The following PTPRK variants were observed in gnomAD, a reference collection of about 807,000 sequenced individuals.
PTPRK encodes protein tyrosine phosphatase receptor type K.
In PTPRK, 75 loss-of-function variants were observed where a neutral mutation model predicts 178.0. That is an observed-to-expected ratio of 0.42 (90% CI 0.35 to 0.51). The LOEUF (loss-of-function observed/expected upper bound fraction) is 0.51, where lower values mean the gene tolerates loss of function less well. Among genes scored for constraint, PTPRK ranks in the 20% least tolerant of loss-of-function variants. The probability of loss-of-function intolerance (pLI) is 0.02; values close to 1 mark genes in which losing one functional copy is unlikely to be tolerated. For synonymous variants in PTPRK, 637 were observed against 620.6 expected (o/e 1.03, Z -0.39); for missense variants, 1,441 against 1,797.8 (o/e 0.80, Z 3.59).
chr6:128,048,489 C>T (rs1778455658), intron 13 of PTPRK, among the ~76,000 whole-genome samples: 1 of 152,188 alleles, frequency 6.6e-6, no homozygotes, highest in Non-Finnish European at 1.5e-5. Context: ...CTTCAGGTTT[C>T]TGCTGAAACA....
At chr6:128,468,351 T>A (rs948490380) in intron 1 of PTPRK, among the ~76,000 whole-genome samples, 7 of 152,270 alleles carry the variant, frequency 4.6e-5, no homozygotes, top group African/African-American at 1.7e-4. Context: ...TCTGGCAGCA[T>A]CACACAAATC....
chr6:127,980,598 G>A (rs1252731350), intron 25 of PTPRK, among the ~76,000 whole-genome samples: 1 of 152,032 alleles, frequency 6.6e-6, no homozygotes, highest in African/African-American at 2.4e-5. Context: ...GGGCAAGATT[G>A]TTCTTTCATT....
At chr6:128,296,736 G>T (rs1242736788) in intron 3 of PTPRK, among the ~76,000 whole-genome samples, 1 of 152,132 alleles carries the variant, frequency 6.6e-6, no homozygotes, top group South Asian at 2.1e-4. Flanking sequence ...CCTAAACATG[G>T]AAAGGAACAA....
chr6:128,382,151 CAAAAAAAAAAAA>C (rs56321095), intron 2 of PTPRK, among the ~76,000 whole-genome samples: 2 of 75,662 alleles, frequency 2.6e-5, no homozygotes, highest in Non-Finnish European at 5.5e-5. Context: ...TACCCTATCT[CAAAAAAAAAAAA>C]AAAAAAAAAG....
At chr6:128,242,418 A>G in intron 4 of PTPRK, 103 bp downstream of exon 4, 1 of 1,455,332 alleles carries the variant, frequency 6.9e-7, no homozygotes, top group Non-Finnish European at 9.1e-7. Context: ...AACAATAACA[A>G]GAGAGACAGC....
chr6:128,117,715 T>C (rs1562615340), intron 7 of PTPRK, among the ~76,000 whole-genome samples: 1 of 152,150 alleles, frequency 6.6e-6, no homozygotes, highest in Non-Finnish European at 1.5e-5. Flanking sequence ...TACAGTGGCA[T>C]GATCTCAGCT....
intron 7 of PTPRK, among the ~76,000 whole-genome samples, chr6:128,170,435 C>T (rs954299067): frequency 6.6e-6 from 1 of 152,002 alleles, no homozygotes; most frequent in Non-Finnish European, 1.5e-5. Flanking sequence ...ATGGGTAATT[C>T]CTTTATAATC....
chr6:128,441,981 T>C (rs1011469916), intron 1 of PTPRK, among the ~76,000 whole-genome samples: 1 of 152,192 alleles, frequency 6.6e-6, no homozygotes, highest in African/African-American at 2.4e-5. Flanking sequence ...CAGAGATCTC[T>C]GACTTCCAAA....
At chr6:128,380,731 T>A (rs892085606) in intron 2 of PTPRK, among the ~76,000 whole-genome samples, 2 of 152,142 alleles carry the variant, frequency 1.3e-5, no homozygotes, top group African/African-American at 4.8e-5. Context: ...AGAGAATTTA[T>A]CCTTCTCTCA....
At chr6:128,340,262 C>T (rs1831487878) in intron 2 of PTPRK, among the ~76,000 whole-genome samples, 1 of 152,152 alleles carries the variant, frequency 6.6e-6, no homozygotes, top group African/African-American at 2.4e-5. Flanking sequence ...TTCACTGGTT[C>T]AAACTCTCAG....
intron 15 of PTPRK, chr6:128,000,212 T>A: frequency 9.1e-7 from 1 of 1,098,316 alleles, no homozygotes; most frequent in South Asian, 2.0e-5. Context: ...GAGAATGATA[T>A]TTAATTAACA....
intron 3 of PTPRK, among the ~76,000 whole-genome samples, chr6:128,299,768 C>A (rs914975880): frequency 2.0e-5 from 3 of 152,026 alleles, no homozygotes; most frequent in African/African-American, 4.8e-5. Flanking sequence ...CCATAAAAAC[C>A]CCAGAAGAAA....
At position 127,976,795 on chromosome 6, in the gene PTPRK, C is replaced by G. The variant is rs539450437; in HGVS notation, c.3844-13G>C. The G allele has an allele frequency of 6.9e-6, 11 of 1,593,250 alleles. No individual in the cohort carries two copies. The South Asian group carries it at 1.1e-4, about 16-fold the overall frequency. Reference sequence around the variant, plus strand: ...ACTGAGGGCAGCCCTAAATGATGAACGTTTTGAAAGAAAAAAAAAAAGAGT... The same window carrying G: ...ACTGAGGGCAGCCCTAAATGATGAAGGTTTTGAAAGAAAAAAAAAAAGAGT... On this transcript the variant is annotated splice_polypyrimidine_tract_variant and intron_variant, in intron 26 of 29. Transcript: ENST00000368226.
At chr6:127,999,361 C>A (rs1777531477) in intron 15 of PTPRK, among the ~76,000 whole-genome samples, 1 of 151,946 alleles carries the variant, frequency 6.6e-6, no homozygotes, top group Non-Finnish European at 1.5e-5. Flanking sequence ...AAGGGCTGCT[C>A]TTCTTGTTCT....
chr6:128,340,873 C>G (rs574636376), intron 2 of PTPRK: 35 of 392,064 alleles, frequency 8.9e-5, no homozygotes, highest in African/African-American at 5.2e-4. Flanking sequence ...TTAATATTAA[C>G]TTTTAGCCAC....
At chr6:128,195,768 A>C (rs1013603564) in intron 6 of PTPRK, among the ~76,000 whole-genome samples, 3 of 152,096 alleles carry the variant, frequency 2.0e-5, no homozygotes, top group Non-Finnish European at 4.4e-5. Context: ...AAAAACATAA[A>C]TCTTCAGAGA....
intron 7 of PTPRK, among the ~76,000 whole-genome samples, chr6:128,116,482 G>A (rs1261527512): frequency 6.6e-6 from 1 of 152,168 alleles, no homozygotes. Flanking sequence ...ACAATAAGAT[G>A]TGTCACAACC....
intron 8 of PTPRK, among the ~76,000 whole-genome samples, chr6:128,087,316 G>T (rs945913886): frequency 6.6e-6 from 1 of 151,968 alleles, no homozygotes. Flanking sequence ...TACCAATTAG[G>T]ACATGATTTT....
intron 11 of PTPRK, among the ~76,000 whole-genome samples, chr6:128,072,105 T>C (rs1782928740): frequency 6.6e-6 from 1 of 152,028 alleles, no homozygotes; most frequent in South Asian, 2.1e-4. Flanking sequence ...AAAGTCATCA[T>C]AATATTTTTA....
Sources: gnomAD v4.1 joint callset for allele counts (sites outside exome capture counted in the v4.1 genomes callset) on GRCh38, gnomAD v4.1.1 for gene constraint, MANE v1.5 for transcripts, NCBI Gene and HGNC (gene_info 2026-07-23, HGNC 2026-07-21) for gene names.